The following GGT1 variants were observed in gnomAD, a reference collection of about 807,000 sequenced individuals.
The protein encoded by GGT1 is glutathione hydrolase 1 proenzyme.
A neutral mutation model predicts 56.0 loss-of-function variants in GGT1; 21 were observed. That is an observed-to-expected ratio of 0.38 (90% CI 0.27 to 0.54). The LOEUF (loss-of-function observed/expected upper bound fraction) is 0.54. GGT1 is among the 20% of genes least tolerant of loss of function. The pLI is 0.82. For synonymous variants in GGT1, 238 were observed against 342.6 expected (o/e 0.69, Z 3.37); for missense variants, 466 against 787.0 (o/e 0.59, Z 4.88).
At chr22:24,617,743 G>A (rs1239557405) in intron 7 of GGT1, among the ~76,000 whole-genome samples, 2 of 152,084 alleles carry the variant, frequency 1.3e-5, no homozygotes, top group Non-Finnish European at 2.9e-5. Context: ...CAGGCAGGTA[G>A]ATCCTCAGGT....
intron 7 of GGT1, 36 bp downstream of exon 7, chr22:24,615,163 A>T (rs776002266): frequency 1.3e-6 from 2 of 1,482,760 alleles, no homozygotes; most frequent in African/African-American, 1.4e-5. Flanking sequence ...GTGGGTGCAG[A>T]GCTGGCTGAG....
intron 9 of GGT1, among the ~76,000 whole-genome samples, chr22:24,621,313 A>T (rs1601739767): frequency 6.6e-6 from 1 of 152,064 alleles, no homozygotes; most frequent in East Asian, 1.9e-4. Context: ...AGCCAGGGCT[A>T]GGGAAGCACT....
Position 24,611,255 on chromosome 22 carries a change from G to C in GGT1, c.164+10G>C. 3 of 1,521,048 alleles carry C rather than the reference G, an allele frequency of 2.0e-6. No homozygotes were observed. Among genetic ancestry groups the C allele is most frequent in the Non-Finnish European group, 8.9e-7 (1 of 1,119,088 alleles). 94.2% of individuals were successfully genotyped at this position (1,521,048 alleles called of 1,614,324 possible). A position where few individuals can be genotyped will look rare whatever the true frequency, so the allele number is the denominator to read the frequency against. On this transcript the variant is annotated intron_variant, in intron 5 of 15. Coordinates refer to ENST00000400382, the MANE Select transcript of GGT1 (RefSeq NM_001288833.2). ...GCTCGAAGATTGGGAGGTGAGCAGG[G>C]CAGGGCATGGGACATGGGCCCTGAA...
At chr22:24,598,256 G>C (rs1467693887), upstream of GGT1, 1 of 151,960 alleles carries the variant, frequency 6.6e-6, no homozygotes, top group East Asian at 1.9e-4. Context: ...TGGCCAACAT[G>C]GTGAAACTCC....
chr22:24,613,550 G>C (rs1229944450), intron 5 of GGT1, among the ~76,000 whole-genome samples: 2 of 152,004 alleles, frequency 1.3e-5, no homozygotes, highest in Non-Finnish European at 2.9e-5. Flanking sequence ...AGGAGTTCGA[G>C]ACCAGCCTGG....
chr22:24,584,086 C>T, the GGT1 span, among the ~76,000 whole-genome samples: 1 of 152,334 alleles, frequency 6.6e-6, no homozygotes, highest in South Asian at 2.1e-4. Flanking sequence ...TGGCCCCTCC[C>T]ACCATCTACC....
At chr22:24,588,196 T>C in the GGT1 span, 1 of 1,588,494 alleles carries the variant, frequency 6.3e-7, no homozygotes, top group East Asian at 2.2e-5. Context: ...GGAGGGGCAG[T>C]GGCTGGGCTA....
rs201519055 is a variant in GGT1, at chr22:24,615,095, C to G, written c.350C>G (p.Thr117Ser). The G allele has an allele frequency of 1.9e-3, 2,993 of 1,611,316 alleles. 10 individuals are homozygous for G. The highest frequency in any genetic ancestry group is 5.4e-3 in the Middle Eastern group (25 of 4,616). The change falls in exon 7 of 16, where the codon ACC becomes AGC. Residue 117 changes from threonine to serine, a missense_variant. Physicochemically the swap from Thr to Ser is moderately conservative, Grantham distance 58 (BLOSUM62 1). Coordinates refer to ENST00000400382, the MANE Select transcript of GGT1 (RefSeq NM_001288833.2). ...GTGGCCCCCAGGCTGGCCTTTGCCA[C>G]CATGTTCAACAGCTCGGAGCAGTCC... The part of the protein sequence containing the change: ...REVAPRLAFA[T>S]MFNSSEQSQK...
chr22:24,614,666 T>G (rs950931308), intron 5 of GGT1, 110 bp from the exon 6 acceptor site: 43 of 849,016 alleles, frequency 5.1e-5, no homozygotes, highest in Non-Finnish European at 7.4e-5. Flanking sequence ...ACCCCAAAAC[T>G]CGAATGGACT....
At position 24,603,403 on chromosome 22, in the gene GGT1, G is replaced by A. The variant is rs988599688; in HGVS notation, c.-553G>A. 1 of 152,262 alleles carries A rather than the reference G, an allele frequency of 6.6e-6. No individual in the cohort carries two copies. Among genetic ancestry groups the A allele is most frequent in the Non-Finnish European group, 1.5e-5 (1 of 68,108 alleles). 9.4% of individuals were successfully genotyped at this position (152,262 alleles called of 1,614,324 possible). A position where few individuals can be genotyped will look rare whatever the true frequency, so the allele number is the denominator to read the frequency against. ...CTCAGCTCTGCCATATGCTTGCTGC[G>A]CTCTAGAGGAGTTCCTCTTCCTCTC... is the stretch of plus-strand genomic sequence containing the variant. On this transcript the variant is annotated 5_prime_UTR_variant, in exon 1 of 16. Coordinates refer to ENST00000400382, the MANE Select transcript of GGT1 (RefSeq NM_001288833.2).
the GGT1 span, chr22:24,586,038 G>C: frequency 6.2e-7 from 1 of 1,611,124 alleles, no homozygotes; most frequent in Non-Finnish European, 8.5e-7. Flanking sequence ...TGGCTCAGCC[G>C]CCGGCGCAGG....
chr22:24,592,455 G>A, upstream of GGT1: 1 of 469,582 alleles, frequency 2.1e-6, no homozygotes, highest in South Asian at 1.6e-5. Context: ...CTCTTCCATT[G>A]TCTCTCAATA....
chr22:24,597,256 C>T (rs908735983), intron 1 of GGT1, among the ~76,000 whole-genome samples: 1 of 152,158 alleles, frequency 6.6e-6, no homozygotes, highest in Non-Finnish European at 1.5e-5. Context: ...GTTGGGATTA[C>T]AGGCGTGAGC....
chr22:24,608,645 C>A (rs1051626394), intron 2 of GGT1, among the ~76,000 whole-genome samples: 10 of 152,190 alleles, frequency 6.6e-5, no homozygotes, highest in African/African-American at 2.4e-4. Flanking sequence ...TGGAAATGTC[C>A]TTTTGTTTTT....
At chr22:24,602,267 C>T (rs1301118014), upstream of GGT1, among the ~76,000 whole-genome samples, 1 of 152,236 alleles carries the variant, frequency 6.6e-6, no homozygotes, top group Non-Finnish European at 1.5e-5. Context: ...ATTCCCAAGG[C>T]CCCTATTCTG....
the GGT1 span, chr22:24,589,334 G>A: frequency 8.6e-7 from 1 of 1,165,540 alleles, no homozygotes; most frequent in Non-Finnish European, 1.1e-6. Flanking sequence ...TATGACCCCA[G>A]CTGTTGTAGG....
chr22:24,615,424 A>G (rs4049863), intron 7 of GGT1, among the ~76,000 whole-genome samples: 171 of 151,800 alleles, frequency 1.1e-3, no homozygotes, highest in South Asian at 3.1e-3. Context: ...TGGGGCCCAC[A>G]CTCTGCTCTG....
In GGT1 at chr22:24,626,967, G is replaced by A. The variant is rs543571066; in HGVS notation, c.1021-465G>A. Among the ~76,000 whole-genome samples, 39 of 150,304 alleles carry A rather than the reference G, an allele frequency of 2.6e-4. No individual in the cohort carries two copies. The South Asian group carries it at 2.9e-3, about 11-fold the overall frequency. ...GCCACATTCCAGGCTCTTTTCACAC[G>A]TTGCCTCCTCTGAGAAGCCCTCCCT... On this transcript the variant is annotated intron_variant, in intron 11 of 15. Coordinates refer to ENST00000400382, the MANE Select transcript of GGT1 (RefSeq NM_001288833.2).
the GGT1 span, chr22:24,586,293 C>G: frequency 6.2e-7 from 1 of 1,614,006 alleles, no homozygotes; most frequent in Non-Finnish European, 8.5e-7. Context: ...ACCGCCAGCA[C>G]AGCACCATGG....
Sources: gnomAD v4.1 joint callset for allele counts (sites outside exome capture counted in the v4.1 genomes callset) on GRCh38, gnomAD v4.1.1 for gene constraint, MANE v1.5 for transcripts, NCBI Gene and HGNC (gene_info 2026-07-23, HGNC 2026-07-21) for gene names.